SLC24A2: variants seen among roughly 807,000 people sequenced by gnomAD.
SLC24A2 encodes sodium/potassium/calcium exchanger 2.
A neutral mutation model predicts 62.0 loss-of-function variants in SLC24A2; 36 were observed. The observed-to-expected ratio is 0.58, with a 90% CI of 0.44 to 0.77. The LOEUF (loss-of-function observed/expected upper bound fraction) is 0.77. Among genes scored for constraint, SLC24A2 ranks in the 30% least tolerant of loss-of-function variants. The pLI, the probability that SLC24A2 is intolerant of heterozygous loss-of-function variation, is 0.00. For missense variants in SLC24A2, 846 were observed against 817.9 expected (o/e 1.03, Z -0.42); for synonymous variants, 358 against 294.0 (o/e 1.22, Z -2.23).
At chr9:19,548,968 T>G (rs1323650451) in intron 8 of SLC24A2, among the ~76,000 whole-genome samples, 2 of 152,180 alleles carry the variant, frequency 1.3e-5, no homozygotes, top group African/African-American at 4.8e-5. Context: ...TACTAAGAAG[T>G]AGAGCTGTTT....
chr9:19,780,422 T>G (rs546350652), intron 2 of SLC24A2, among the ~76,000 whole-genome samples: 1 of 150,868 alleles, frequency 6.6e-6, no homozygotes, highest in South Asian at 2.1e-4. Flanking sequence ...CGCCTGCCAC[T>G]GCGCCCAGCT....
chr9:19,527,682 C>G (rs944141314), intron 9 of SLC24A2, among the ~76,000 whole-genome samples: 1 of 152,136 alleles, frequency 6.6e-6, no homozygotes, highest in African/African-American at 2.4e-5. Context: ...CAGTTTTAAA[C>G]TGCTGGTGAG....
At chr9:19,611,942 A>T (rs1321403649) in intron 4 of SLC24A2, among the ~76,000 whole-genome samples, 2 of 152,122 alleles carry the variant, frequency 1.3e-5, no homozygotes, top group Non-Finnish European at 2.9e-5. Flanking sequence ...TGGGGGGAAC[A>T]GAGAGTATTA....
chr9:19,551,000 A>C (rs1834815330), intron 7 of SLC24A2, among the ~76,000 whole-genome samples: 1 of 152,090 alleles, frequency 6.6e-6, no homozygotes, highest in Non-Finnish European at 1.5e-5. Context: ...CCTCTCTTCT[A>C]GCTTTGGAAT....
chr9:19,953,873 T>C, the SLC24A2 span, among the ~76,000 whole-genome samples: 2 of 152,018 alleles, frequency 1.3e-5, no homozygotes, highest in African/African-American at 4.8e-5. Context: ...TATGATGTTA[T>C]CAAAAGAAAT....
intron 2 of SLC24A2, among the ~76,000 whole-genome samples, chr9:19,768,596 C>G (rs1469896704): frequency 6.6e-6 from 1 of 152,122 alleles, no homozygotes; most frequent in Non-Finnish European, 1.5e-5. Flanking sequence ...AGCGTGGATA[C>G]CCTAGACAAT....
chr9:20,256,926 A>G, the SLC24A2 span, among the ~76,000 whole-genome samples: 1 of 103,868 alleles, frequency 9.6e-6, no homozygotes, highest in Non-Finnish European at 2.2e-5. Context: ...GCATGTACAC[A>G]CACACACACA....
At chr9:19,794,486 A>T in the SLC24A2 span, among the ~76,000 whole-genome samples, 1 of 151,716 alleles carries the variant, frequency 6.6e-6, no homozygotes, top group African/African-American at 2.4e-5. Flanking sequence ...AGGATTGCTG[A>T]TTACCTGGGT....
chr9:20,046,241 C>A, the SLC24A2 span, among the ~76,000 whole-genome samples: 51 of 152,202 alleles, frequency 3.4e-4, no homozygotes, highest in Non-Finnish European at 5.9e-4. Context: ...TATCTCAACA[C>A]AGAGGCTTGT....
the SLC24A2 span, among the ~76,000 whole-genome samples, chr9:20,186,735 A>G: frequency 1.3e-5 from 2 of 152,228 alleles, no homozygotes; most frequent in East Asian, 1.9e-4. Context: ...CTCAAATTAT[A>G]TAGGATTAAA....
the SLC24A2 span, among the ~76,000 whole-genome samples, chr9:19,917,533 T>C: frequency 9.2e-5 from 14 of 151,958 alleles, 1 homozygote; most frequent in South Asian, 6.2e-4. Flanking sequence ...AATCTCTCTA[T>C]TTTTATGAAT....
chr9:19,987,365 C>T, the SLC24A2 span, among the ~76,000 whole-genome samples: 1 of 152,136 alleles, frequency 6.6e-6, no homozygotes, highest in East Asian at 1.9e-4. Flanking sequence ...AACAAGAAGT[C>T]ACTAAATTCC....
chr9:19,726,208 C>G (rs986269133), intron 2 of SLC24A2, among the ~76,000 whole-genome samples: 1 of 152,164 alleles, frequency 6.6e-6, no homozygotes, highest in African/African-American at 2.4e-5. Flanking sequence ...TCACACAGAA[C>G]ATTGCGTAGG....
At chr9:19,916,636 A>T in the SLC24A2 span, among the ~76,000 whole-genome samples, 1 of 151,936 alleles carries the variant, frequency 6.6e-6, no homozygotes, top group African/African-American at 2.4e-5. Flanking sequence ...TTTTCCACTT[A>T]GCATTATATT....
the SLC24A2 span, among the ~76,000 whole-genome samples, chr9:20,264,870 T>C: frequency 4.6e-5 from 7 of 152,352 alleles, no homozygotes; most frequent in South Asian, 1.4e-3. Flanking sequence ...CAGAGGTCTA[T>C]CAGTTCTAAA....
the SLC24A2 span, among the ~76,000 whole-genome samples, chr9:20,181,196 C>T: frequency 1.7e-4 from 26 of 151,452 alleles, no homozygotes; most frequent in East Asian, 4.1e-3. Context: ...AATCTACAGC[C>T]GTATATCCTT....
chr9:19,789,361 A>T (rs1419660526), upstream of SLC24A2, among the ~76,000 whole-genome samples: 1 of 152,222 alleles, frequency 6.6e-6, no homozygotes, highest in African/African-American at 2.4e-5. Context: ...CTCTCCAATT[A>T]TCTGCAAAAA....
At chr9:19,961,341 G>A in the SLC24A2 span, among the ~76,000 whole-genome samples, 3 of 152,154 alleles carry the variant, frequency 2.0e-5, no homozygotes, top group Non-Finnish European at 2.9e-5. Context: ...AGAAAGGTTA[G>A]ATCCAAAACT....
At chr9:20,019,157 G>GAAAGAAAGAAAGAA in the SLC24A2 span, among the ~76,000 whole-genome samples, 15 of 134,504 alleles carry the variant, frequency 1.1e-4, 1 homozygote, top group Non-Finnish European at 1.6e-4. Context: ...AAGAAAGAAA[G>GAAAGAAAGAAAGAA]AGAGAGAGAC....
Sources: allele counts gnomAD v4.1 joint callset (sites outside exome capture counted in the v4.1 genomes callset), GRCh38; gene constraint gnomAD v4.1.1; transcripts MANE v1.5; gene names NCBI Gene and HGNC (gene_info 2026-07-23, HGNC 2026-07-21).